PHGDH: variants seen among roughly 807,000 people sequenced by gnomAD.
PHGDH encodes the protein D-3-phosphoglycerate dehydrogenase.
In PHGDH, 50 loss-of-function variants were observed where a neutral mutation model predicts 52.6. That is an observed-to-expected ratio of 0.95 (90% CI 0.76 to 1.20). PHGDH has a LOEUF of 1.20. Ranked by LOEUF, PHGDH falls within the 50% of genes most tolerant of loss-of-function variation. The probability of loss-of-function intolerance (pLI) is 0.00; values close to 1 mark genes in which losing one functional copy is unlikely to be tolerated. For missense variants in PHGDH, 630 were observed against 684.6 expected, an observed-to-expected ratio of 0.92 and a Z score of 0.89; for synonymous variants, 271 against 280.5, an observed-to-expected ratio of 0.97 and a Z score of 0.34.
At chr1:119,742,573 G>A (rs1321263693) in intron 10 of PHGDH, 27 of 605,758 alleles carry the variant, frequency 4.5e-5, no homozygotes, top group Non-Finnish European at 1.8e-5. Flanking sequence ...GCCTTCGCCT[G>A]TGCCTGGCAG....
In PHGDH at chr1:119,726,412, G is replaced by A. The variant is rs115710515; in HGVS notation, c.357-439G>A. ...GTAATTAGGTGTCCTCTTCATAATA[G>A]TAGAAGACGTCATAGGTTATGGTGC... is the stretch of plus-strand genomic sequence containing the variant. On this transcript the variant is annotated intron_variant, in intron 3 of 11. Transcript: ENST00000641023. Among the ~76,000 whole-genome samples, 748 of 152,242 alleles carry A rather than the reference G, an allele frequency of 4.9e-3. 5 individuals are homozygous for A. Among genetic ancestry groups the A allele is most frequent in the African/African-American group, 0.017 (713 of 41,522 alleles).
intron 8 of PHGDH, chr1:119,739,503 C>T (rs1382096235): frequency 6.6e-6 from 1 of 152,112 alleles, no homozygotes; most frequent in Non-Finnish European, 1.5e-5. Context: ...GCAGTCATTT[C>T]CCATACCATG....
chr1:119,738,818 A>AG (rs1199534256), intron 8 of PHGDH, among the ~76,000 whole-genome samples: 1 of 146,042 alleles, frequency 6.8e-6, no homozygotes, highest in Non-Finnish European at 1.5e-5. Flanking sequence ...GATGGGGAGG[A>AG]GGGGGTGAGA....
intron 5 of PHGDH, among the ~76,000 whole-genome samples, chr1:119,732,537 A>G (rs1651742950): frequency 1.3e-5 from 2 of 152,150 alleles, no homozygotes; most frequent in Non-Finnish European, 2.9e-5. Flanking sequence ...CCATCCCCTC[A>G]GTGTTGTCTC....
At chr1:119,734,311 G>A (rs1364949721) in intron 5 of PHGDH, 12 of 379,024 alleles carry the variant, frequency 3.2e-5, no homozygotes, top group Admixed American at 7.3e-5. Flanking sequence ...GGAGGCAGAC[G>A]CACCTTCTTT....
intron 3 of PHGDH, chr1:119,724,956 C>T (rs1030160434): frequency 2.6e-5 from 11 of 429,706 alleles, no homozygotes; most frequent in Middle Eastern, 3.3e-4. Context: ...GCAGGGAGGA[C>T]GGTAGGAGAG....
intron 5 of PHGDH, among the ~76,000 whole-genome samples, chr1:119,731,308 C>T (rs1454301066): frequency 6.6e-6 from 1 of 152,200 alleles, no homozygotes; most frequent in Non-Finnish European, 1.5e-5. Flanking sequence ...GAGACTTTTT[C>T]TCAATAGTGT....
At chr1:119,730,354 T>C (rs1287388379) in intron 5 of PHGDH, among the ~76,000 whole-genome samples, 1 of 152,258 alleles carries the variant, frequency 6.6e-6, no homozygotes, top group East Asian at 1.9e-4. Flanking sequence ...TTTAAAGTTA[T>C]GTTTTAATCA....
intron 8 of PHGDH, among the ~76,000 whole-genome samples, chr1:119,737,953 C>T (rs149352464): frequency 1.3e-3 from 197 of 152,338 alleles, no homozygotes; most frequent in Non-Finnish European, 2.2e-3. Context: ...GGAGGCATAG[C>T]TCTCCTTCCA....
In PHGDH at chr1:119,721,151, A is replaced by G. The variant is rs773408065; in HGVS notation, c.139-19A>G. 342 of 1,613,690 alleles carry G rather than the reference A, an allele frequency of 2.1e-4. No individual in the cohort carries two copies. Among genetic ancestry groups the G allele is most frequent in the Admixed American group, 5.7e-4 (34 of 60,008 alleles). On this transcript the variant is annotated intron_variant, in intron 1 of 11. Coordinates refer to ENST00000641023, the MANE Select transcript of PHGDH (RefSeq NM_006623.4). Reference sequence around the variant, plus strand: ...CTCACAGAATGACTTTCTGGACCCAAATGTTTTTTCTGCTTCAGGACTGTG... The same window carrying G: ...CTCACAGAATGACTTTCTGGACCCAGATGTTTTTTCTGCTTCAGGACTGTG...
chr1:119,719,115 G>A (rs1359738055), intron 1 of PHGDH, among the ~76,000 whole-genome samples: 1 of 152,132 alleles, frequency 6.6e-6, no homozygotes, highest in Non-Finnish European at 1.5e-5. Flanking sequence ...ATTTAACTAG[G>A]CTGCTATGGG....
chr1:119,731,312 A>G (rs1382881449), intron 5 of PHGDH, among the ~76,000 whole-genome samples: 2 of 152,150 alleles, frequency 1.3e-5, no homozygotes, highest in African/African-American at 2.4e-5. Flanking sequence ...CTTTTTCTCA[A>G]TAGTGTTGCT....
chr1:119,711,934 C>A lies in PHGDH; in HGVS notation c.-89C>A. 1.5e-6 allele frequency: 2 copies of A among 1,337,086 alleles called. No individual in the cohort carries two copies. Among genetic ancestry groups the A allele is most frequent in the Non-Finnish European group, 1.1e-6 (1 of 929,990 alleles). The allele number at this position is 1,337,086 out of a possible 1,614,324, so 82.8% of individuals were successfully genotyped here. A position where few individuals can be genotyped will look rare whatever the true frequency, so the allele number is the denominator to read the frequency against. ...GGGAGCGGGAGCTGGAGAATACTGC[C>A]CAGTTACTCTAGCGCGCCAGGCCGA... On this transcript the variant is annotated 5_prime_UTR_variant, in exon 1 of 12. Coordinates refer to ENST00000641023, the MANE Select transcript of PHGDH (RefSeq NM_006623.4).
intron 5 of PHGDH, chr1:119,727,346 A>T (rs1212470947): frequency 9.1e-6 from 5 of 552,280 alleles, no homozygotes; most frequent in Non-Finnish European, 1.3e-5. Context: ...CCTGAGTCCC[A>T]GTGAACCAGG....
At chr1:119,734,338 C>T (rs1651835614) in intron 5 of PHGDH, 2 of 404,370 alleles carry the variant, frequency 4.9e-6, no homozygotes, top group South Asian at 2.1e-5. Context: ...CTGGCTGTGC[C>T]CCTCCTCATT....
intron 5 of PHGDH, among the ~76,000 whole-genome samples, chr1:119,734,129 G>T (rs1236690493): frequency 6.6e-6 from 1 of 152,130 alleles, no homozygotes; most frequent in Non-Finnish European, 1.5e-5. Context: ...CCTGTTTCCT[G>T]GACTGGACCC....
At chr1:119,742,242 T>G (rs1447194039) in intron 10 of PHGDH, 1 of 393,372 alleles carries the variant, frequency 2.5e-6, no homozygotes, top group African/African-American at 2.1e-5. Context: ...GGGCTCCTCA[T>G]GCCGTAGCAC....
chr1:119,739,571 A>G (rs587697717), intron 8 of PHGDH: 1 of 152,364 alleles, frequency 6.6e-6, no homozygotes, highest in Admixed American at 6.5e-5. Context: ...ATGAAAACAG[A>G]AAGAGAAGCA....
intron 9 of PHGDH, 106 bp from the exon 10 acceptor site, chr1:119,741,661 G>A: frequency 2.9e-6 from 3 of 1,040,096 alleles, no homozygotes; most frequent in Non-Finnish European, 4.5e-6. Flanking sequence ...GGGGTCCCCA[G>A]GGCAGCGAGG....
Sources: allele counts gnomAD v4.1 joint callset (sites outside exome capture counted in the v4.1 genomes callset), GRCh38; gene constraint gnomAD v4.1.1; transcripts MANE v1.5; gene names NCBI Gene and HGNC (gene_info 2026-07-23, HGNC 2026-07-21).